Variants in SEMA6D observed in about 807,000 individuals in gnomAD.
SEMA6D encodes the protein semaphorin 6D.
SEMA6D carries 35 observed loss-of-function variants against 106.6 expected under a neutral mutation model. That is an observed-to-expected ratio of 0.33 (90% CI 0.25 to 0.44). SEMA6D has a LOEUF of 0.44. SEMA6D is among the 20% of genes least tolerant of loss of function. The pLI is 1.00. For synonymous variants in SEMA6D, 499 were observed against 487.7 expected (o/e 1.02, Z -0.31); for missense variants, 1,185 against 1,345.9 (o/e 0.88, Z 1.87).
In SEMA6D at chr15:47,773,957, A is replaced by G. The variant is rs572522242; in HGVS notation, c.*2172A>G. 6.5e-6 allele frequency: 1 copy of G among 152,738 alleles called. No individual in the cohort carries two copies. The highest frequency in any genetic ancestry group is 1.9e-4 in the East Asian group (1 of 5,174). The allele number at this position is 152,738 out of a possible 1,614,324, so 9.5% of individuals were successfully genotyped here. A position where few individuals can be genotyped will look rare whatever the true frequency, so the allele number is the denominator to read the frequency against. The stretch of plus-strand genomic sequence containing the variant: ...TGAGTTCAATCAGTATTTATGTTGA[A>G]ATTTCTAACATTAAATCTAGTCTCT... On this transcript the variant is annotated 3_prime_UTR_variant, in exon 19 of 19. Transcript: ENST00000536845.
intron 1 of SEMA6D, among the ~76,000 whole-genome samples, chr15:47,282,599 G>GT (rs1316214641): frequency 6.6e-6 from 1 of 152,114 alleles, no homozygotes; most frequent in African/African-American, 2.4e-5. Flanking sequence ...CATATATTCA[G>GT]TTTTTTAGTA....
intron 3 of SEMA6D, among the ~76,000 whole-genome samples, chr15:47,556,517 A>G (rs1358910639): frequency 6.6e-6 from 1 of 152,188 alleles, no homozygotes; most frequent in Non-Finnish European, 1.5e-5. Flanking sequence ...GGCATTGTGC[A>G]TGTAAGACTG....
intron 4 of SEMA6D, among the ~76,000 whole-genome samples, chr15:47,666,884 A>G (rs1453316994): frequency 6.6e-6 from 1 of 152,206 alleles, no homozygotes; most frequent in Non-Finnish European, 1.5e-5. Context: ...TAAATAAGTT[A>G]CCATGTAGGA....
chr15:47,418,168 T>A (rs2041038538), intron 2 of SEMA6D, among the ~76,000 whole-genome samples: 1 of 151,958 alleles, frequency 6.6e-6, no homozygotes, highest in Admixed American at 6.6e-5. Flanking sequence ...TTGAAGGAAG[T>A]GAGACAGCAA....
In SEMA6D at chr15:47,579,140, ATTTT is replaced by A. The variant is rs34862760; in HGVS notation, c.-86-21709_-86-21706del. ...GTGAGTTGAGTGTCCAGAAATCTGT[ATTTT>A]TTTTTTTTTTTTTTTGAGACAGAAT... On this transcript the variant is annotated intron_variant, in intron 3 of 19. Transcript: ENST00000558014. Among the ~76,000 whole-genome samples, 1,093 of 129,354 alleles carry A rather than the reference ATTTT, an allele frequency of 8.4e-3. 14 individuals are homozygous for A. Among genetic ancestry groups the A allele is most frequent in the African/African-American group, 0.029 (1,019 of 35,248 alleles). The allele number at this position is 129,354 out of a possible 152,430, so 84.9% of individuals were successfully genotyped here.
intron 1 of SEMA6D, among the ~76,000 whole-genome samples, chr15:47,186,529 CTTT>C (rs5812365): frequency 0.042 from 6,165 of 146,360 alleles, 158 homozygotes; most frequent in South Asian, 0.1. Flanking sequence ...ATTCGTACCT[CTTT>C]TTTTTTTTTG....
At chr15:47,329,416 G>A (rs1475523628) in intron 1 of SEMA6D, among the ~76,000 whole-genome samples, 1 of 152,184 alleles carries the variant, frequency 6.6e-6, no homozygotes, top group Non-Finnish European at 1.5e-5. Flanking sequence ...GACTATAATA[G>A]ACAGATATTT....
chr15:47,282,102 A>C (rs1192892528), intron 1 of SEMA6D, among the ~76,000 whole-genome samples: 1 of 152,162 alleles, frequency 6.6e-6, no homozygotes, highest in Admixed American at 6.5e-5. Context: ...TACTCTCTAA[A>C]CACAAAGAAT....
intron 3 of SEMA6D, among the ~76,000 whole-genome samples, chr15:47,523,857 C>T (rs1300263659): frequency 6.6e-6 from 1 of 152,172 alleles, no homozygotes; most frequent in Non-Finnish European, 1.5e-5. Context: ...TCACTGTACT[C>T]CCGGGCCATT....
At chr15:47,451,086 G>A (rs1387239567) in intron 2 of SEMA6D, among the ~76,000 whole-genome samples, 2 of 152,116 alleles carry the variant, frequency 1.3e-5, no homozygotes, top group African/African-American at 4.8e-5. Flanking sequence ...CGAATGTGAG[G>A]CTTAAAAGCA....
chr15:47,195,600 T>G (rs549485692), intron 1 of SEMA6D, among the ~76,000 whole-genome samples: 2 of 152,318 alleles, frequency 1.3e-5, no homozygotes, highest in South Asian at 4.1e-4. Context: ...AACCACACTC[T>G]TGTTCTTTTC....
intron 3 of SEMA6D, among the ~76,000 whole-genome samples, chr15:47,483,047 TAATC>T (rs775096941): frequency 1.4e-4 from 22 of 152,126 alleles, no homozygotes; most frequent in East Asian, 3.9e-4. Context: ...ATATAACAAA[TAATC>T]AATAGTTTAT....
At chr15:47,649,645 C>T (rs908649207) in intron 4 of SEMA6D, among the ~76,000 whole-genome samples, 18 of 151,772 alleles carry the variant, frequency 1.2e-4, no homozygotes, top group Non-Finnish European at 1.9e-4. Flanking sequence ...AGAGCAAGAC[C>T]CTGTCTAGAA....
At chr15:47,660,138 A>G (rs1300066533) in intron 4 of SEMA6D, among the ~76,000 whole-genome samples, 1 of 151,966 alleles carries the variant, frequency 6.6e-6, no homozygotes, top group Non-Finnish European at 1.5e-5. Flanking sequence ...GTTGCTGAAT[A>G]GGCAATCAAA....
At chr15:47,229,241 G>A (rs915785513) in intron 1 of SEMA6D, among the ~76,000 whole-genome samples, 1 of 151,876 alleles carries the variant, frequency 6.6e-6, no homozygotes, top group Admixed American at 6.6e-5. Context: ...AAATTCCCAG[G>A]TGTCTTTCTC....
intron 1 of SEMA6D, among the ~76,000 whole-genome samples, chr15:47,296,004 C>T (rs921389472): frequency 6.6e-6 from 1 of 152,168 alleles, no homozygotes; most frequent in Non-Finnish European, 1.5e-5. Context: ...GGTGCTTTTT[C>T]TTGGGTACAT....
intron 3 of SEMA6D, among the ~76,000 whole-genome samples, chr15:47,550,358 G>A (rs1596299247): frequency 6.6e-6 from 1 of 152,114 alleles, no homozygotes; most frequent in East Asian, 1.9e-4. Context: ...CAAGGAAGAG[G>A]GGAGAAAGAG....
intron 2 of SEMA6D, among the ~76,000 whole-genome samples, chr15:47,414,720 T>C (rs1463289319): frequency 6.6e-6 from 1 of 152,164 alleles, no homozygotes; most frequent in Non-Finnish European, 1.5e-5. Flanking sequence ...CTAAGGACCA[T>C]ACAGAATCCT....
chr15:47,483,341 C>T (rs1567111917), intron 3 of SEMA6D, among the ~76,000 whole-genome samples: 1 of 152,142 alleles, frequency 6.6e-6, no homozygotes, highest in Non-Finnish European at 1.5e-5. Context: ...ACTTGATTCA[C>T]ATACTGACCT....
Sources: allele counts gnomAD v4.1 joint callset (sites outside exome capture counted in the v4.1 genomes callset), GRCh38; gene constraint gnomAD v4.1.1; transcripts MANE v1.5; gene names NCBI Gene and HGNC (gene_info 2026-07-23, HGNC 2026-07-21).